Variants in MAD1L1 observed in about 807,000 individuals in gnomAD.
The protein encoded by MAD1L1 is mitotic arrest deficient 1 like 1, also known as mitotic spindle assembly checkpoint protein MAD1.
A neutral mutation model predicts 96.9 loss-of-function variants in MAD1L1; 95 were observed. That is an observed-to-expected ratio of 0.98 (90% CI 0.83 to 1.16). The LOEUF (loss-of-function observed/expected upper bound fraction) is 1.16. Among genes scored for constraint, MAD1L1 ranks in the 50% most tolerant of loss-of-function variants. The pLI is 0.00. For synonymous variants in MAD1L1, 473 were observed against 396.6 expected, an observed-to-expected ratio of 1.19 and a Z score of -2.29; for missense variants, 1,007 against 954.4, an observed-to-expected ratio of 1.06 and a Z score of -0.73.
In MAD1L1 at chr7:2,156,206, A is replaced by G. The variant is rs1283999869; in HGVS notation, c.987-6968T>C. The stretch of plus-strand genomic sequence containing the variant: ...CGCGTGTGGCGAGGGGAGCGGGCGC[A>G]CGGTTTCACGGCGCGTGTGGCGAGG... On this transcript the variant is annotated intron_variant, in intron 10 of 18. Coordinates refer to ENST00000265854, the MANE Select transcript of MAD1L1 (RefSeq NM_001013836.2). Among the ~76,000 whole-genome samples, 4 of 149,984 alleles carry G rather than the reference A, an allele frequency of 2.7e-5. No individual in the cohort carries two copies. The East Asian group carries it at 7.8e-4, about 29-fold the overall frequency.
chr7:2,222,568 C>CG lies in MAD1L1; in HGVS notation c.471+6dup, dbSNP rs1793665578. 11 of 1,587,216 alleles carry CG rather than the reference C, an allele frequency of 6.9e-6. No homozygotes were observed. The South Asian group carries it at 1.2e-4, about 18-fold the overall frequency. On this transcript the variant is annotated splice_region_variant and intron_variant, in intron 5 of 18. Transcript: ENST00000265854. ...ACAGCTCCCTGCGCAGCAGAGGCCC[C>CG]GCTCACCTCGCCAGCCTGGGCCAGA...
At position 1,989,272 on chromosome 7, in the gene MAD1L1, TGGC is replaced by T. The variant is rs537032490; in HGVS notation, c.1417-8734_1417-8732del. On this transcript the variant is annotated intron_variant, in intron 14 of 18. Transcript: ENST00000265854. ...GACGGCTCTAACGAAACGTGGAAAA[TGGC>T]GGCACCACTGTCACTTCTCTCACGC... Among the ~76,000 whole-genome samples the T allele has an allele frequency of 5.3e-3, 814 of 152,290 alleles. 4 individuals carry two copies. Among genetic ancestry groups the T allele is most frequent in the Non-Finnish European group, 7.2e-3 (493 of 68,024 alleles).
intron 11 of MAD1L1, among the ~76,000 whole-genome samples, chr7:2,115,541 A>G (rs989248289): frequency 6.7e-6 from 1 of 149,678 alleles, no homozygotes; most frequent in Non-Finnish European, 1.5e-5. Context: ...TTCCGGGGTC[A>G]GAGGAGGCGC....
intron 11 of MAD1L1, among the ~76,000 whole-genome samples, chr7:2,116,580 G>GT (rs1562702978): frequency 6.7e-6 from 1 of 148,702 alleles, no homozygotes; most frequent in Non-Finnish European, 1.5e-5. Context: ...GGGGGGGGGG[G>GT]GCTCCTGTGT....
At chr7:2,066,294 A>C (rs1584238967) in intron 12 of MAD1L1, among the ~76,000 whole-genome samples, 2 of 152,196 alleles carry the variant, frequency 1.3e-5, no homozygotes, top group East Asian at 3.8e-4. Flanking sequence ...TGCAGAGCTG[A>C]GGTGGGCACT....
intron 10 of MAD1L1, among the ~76,000 whole-genome samples, chr7:2,204,106 C>G (rs1792458627): frequency 6.6e-6 from 1 of 152,220 alleles, no homozygotes; most frequent in Non-Finnish European, 1.5e-5. Flanking sequence ...CCACATGCTG[C>G]CACTCCTCAC....
At chr7:1,917,591 T>C (rs1788491703) in intron 17 of MAD1L1, among the ~76,000 whole-genome samples, 1 of 152,240 alleles carries the variant, frequency 6.6e-6, no homozygotes, top group African/African-American at 2.4e-5. Context: ...CCTAATTGGG[T>C]ACTTGGCTTG....
chr7:2,098,714 A>C (rs908577102), intron 11 of MAD1L1, among the ~76,000 whole-genome samples: 1 of 152,150 alleles, frequency 6.6e-6, no homozygotes, highest in African/African-American at 2.4e-5. Flanking sequence ...AAGGGAGCGC[A>C]CTACCACACC....
At chr7:2,134,264 G>A (rs1300916744) in intron 11 of MAD1L1, among the ~76,000 whole-genome samples, 1 of 152,138 alleles carries the variant, frequency 6.6e-6, no homozygotes, top group East Asian at 1.9e-4. Flanking sequence ...AATGTAAATA[G>A]TACTGGGTGT....
chr7:1,922,190 G>A (rs1484686373), intron 17 of MAD1L1, among the ~76,000 whole-genome samples: 1 of 152,228 alleles, frequency 6.6e-6, no homozygotes, highest in Non-Finnish European at 1.5e-5. Flanking sequence ...AGCGGCGAGC[G>A]CCCTGCTTCC....
At chr7:1,931,104 T>C (rs1294574320) in intron 17 of MAD1L1, among the ~76,000 whole-genome samples, 10 of 138,502 alleles carry the variant, frequency 7.2e-5, no homozygotes, top group Non-Finnish European at 1.3e-4. Context: ...GGGCGCATCA[T>C]GGGGTCCATG....
At chr7:2,124,511 C>CG (rs1034365773) in intron 11 of MAD1L1, among the ~76,000 whole-genome samples, 10 of 152,190 alleles carry the variant, frequency 6.6e-5, no homozygotes, top group Admixed American at 6.5e-5. Context: ...AGGGGACAGC[C>CG]GGCCTGCATG....
chr7:2,093,481 A>C (rs1473137911), intron 11 of MAD1L1, among the ~76,000 whole-genome samples: 1 of 152,246 alleles, frequency 6.6e-6, no homozygotes, highest in Non-Finnish European at 1.5e-5. Flanking sequence ...CCCTGGGAAG[A>C]GGGACGACGG....
At chr7:1,946,448 G>A (rs1264608898) in intron 16 of MAD1L1, among the ~76,000 whole-genome samples, 1 of 152,256 alleles carries the variant, frequency 6.6e-6, no homozygotes, top group Non-Finnish European at 1.5e-5. Context: ...GGGGAAAATG[G>A]CTATAATCTT....
At chr7:1,899,906 G>A (rs998376404) in intron 17 of MAD1L1, among the ~76,000 whole-genome samples, 2 of 152,234 alleles carry the variant, frequency 1.3e-5, no homozygotes, top group African/African-American at 4.8e-5. Flanking sequence ...GGAAGATGGA[G>A]GACGCGGGAG....
chr7:1,824,439 G>C (rs1378085958), intron 18 of MAD1L1, among the ~76,000 whole-genome samples: 2 of 152,208 alleles, frequency 1.3e-5, no homozygotes, highest in African/African-American at 2.4e-5. Flanking sequence ...GGGAGACACA[G>C]AGCACAGTGG....
chr7:1,864,511 C>T (rs1784685165), intron 18 of MAD1L1, among the ~76,000 whole-genome samples: 1 of 152,228 alleles, frequency 6.6e-6, no homozygotes, highest in Admixed American at 6.5e-5. Context: ...GGTGGATTTG[C>T]AAAGTCCCCA....
At chr7:2,155,090 G>A (rs1380867806) in intron 10 of MAD1L1, among the ~76,000 whole-genome samples, 2 of 152,198 alleles carry the variant, frequency 1.3e-5, no homozygotes, top group African/African-American at 2.4e-5. Context: ...CGCTCCTCCG[G>A]CTTGGGGCTT....
At chr7:1,963,629 T>C (rs915899503) in intron 15 of MAD1L1, among the ~76,000 whole-genome samples, 3 of 152,216 alleles carry the variant, frequency 2.0e-5, no homozygotes, top group Non-Finnish European at 4.4e-5. Context: ...CTCTGACATC[T>C]GCTTCCTGCT....
Sources: gnomAD v4.1 joint callset for allele counts (sites outside exome capture counted in the v4.1 genomes callset) on GRCh38, gnomAD v4.1.1 for gene constraint, MANE v1.5 for transcripts, NCBI Gene and HGNC (gene_info 2026-07-23, HGNC 2026-07-21) for gene names.